The following ADD3 variants were observed in gnomAD, a reference collection of about 807,000 sequenced individuals.
ADD3 encodes the protein adducin 3.
Under a neutral mutation model 80.2 loss-of-function variants are expected in ADD3, and 25 were observed. The observed-to-expected ratio is 0.31, with a 90% CI of 0.23 to 0.44. ADD3 has a LOEUF of 0.44. Ranked by LOEUF, ADD3 falls within the 20% of genes least tolerant of loss-of-function variation. The pLI is 1.00. For missense variants in ADD3, 829 were observed against 847.5 expected, an observed-to-expected ratio of 0.98 and a Z score of 0.27; for synonymous variants, 284 against 289.6, an observed-to-expected ratio of 0.98 and a Z score of 0.20.
In ADD3 at chr10:110,133,333, T is replaced by A; in HGVS notation, c.1836T>A (p.His612Gln). 1 of 1,579,788 alleles carries A rather than the reference T, an allele frequency of 6.3e-7. No homozygotes were observed. Among genetic ancestry groups the A allele is most frequent in the African/African-American group, 1.3e-5 (1 of 74,250 alleles). ...AACCCTCCCCTTTCGTAGAAAACCA[T>A]GAGCTGTTTTCCAAGAGCTTCATCT... ...QNVPEKLEEN[H>Q]ELFSKSFISM... The change falls in exon 15 of 15, where the codon CAT (histidine) becomes CAA (glutamine). Residue 612 changes from histidine (H) to glutamine (Q), a missense_variant. Transcript: ENST00000356080.
intron 2 of ADD3, 114 bp from the exon 3 acceptor site, chr10:110,112,663 G>A (rs1850197588): frequency 1.6e-6 from 2 of 1,230,638 alleles, no homozygotes; most frequent in East Asian, 4.8e-5. Flanking sequence ...TTTTTAAATA[G>A]TACAGGTAAA....
At chr10:110,007,070 G>A (rs779111802), upstream of ADD3, among the ~76,000 whole-genome samples, 2 of 152,188 alleles carry the variant, frequency 1.3e-5, no homozygotes, top group Admixed American at 6.5e-5. Flanking sequence ...CTGGGCGAGG[G>A]GGGTGGGAGG....
intron 1 of ADD3, among the ~76,000 whole-genome samples, chr10:110,085,171 C>T (rs1040071607): frequency 2.6e-5 from 4 of 152,132 alleles, no homozygotes; most frequent in African/African-American, 9.7e-5. Flanking sequence ...GCCTACTTTT[C>T]AAAGCTAAAT....
chr10:110,047,150 T>C, intron 1 of ADD3, among the ~76,000 whole-genome samples: 1 of 152,230 alleles, frequency 6.6e-6, no homozygotes, highest in East Asian at 1.9e-4. Context: ...TAAATAAATA[T>C]TATTCATTAT....
At chr10:110,130,511 T>C (rs1461630577) in intron 13 of ADD3, 25 bp downstream of exon 13, 5 of 1,610,886 alleles carry the variant, frequency 3.1e-6, no homozygotes, top group Non-Finnish European at 4.2e-6. Flanking sequence ...ACATTCAACC[T>C]AGGGTAAGCC....
chr10:110,133,202 T>G, intron 14 of ADD3, 124 bp from the exon 15 acceptor site: 1 of 902,498 alleles, frequency 1.1e-6, no homozygotes, highest in Non-Finnish European at 1.6e-6. Flanking sequence ...ATTAAAATAA[T>G]GATCTGTCTT....
intron 1 of ADD3, among the ~76,000 whole-genome samples, chr10:110,015,030 C>T (rs767202814): frequency 3.3e-5 from 5 of 151,912 alleles, no homozygotes; most frequent in Non-Finnish European, 7.4e-5. Flanking sequence ...TGGGCCACCA[C>T]GCCTGGCTAA....
rs931636490 is a variant in ADD3 at position 110,116,469 on chromosome 10, C to T, written c.486+59C>T. On this transcript the variant is annotated intron_variant, in intron 4 of 14. Coordinates refer to ENST00000356080, the MANE Select transcript of ADD3 (RefSeq NM_016824.5). ...AAATTCCAGCTAGAAGGCAACTATACTCTTCTTACCTTTACCTGGAAGTCC... is the reference window on the plus strand; with the variant it reads ...AAATTCCAGCTAGAAGGCAACTATATTCTTCTTACCTTTACCTGGAAGTCC... 4.6e-5 allele frequency: 71 copies of T among 1,536,604 alleles called. No homozygotes were observed. The African/African-American group carries it at 9.2e-4, about 20-fold the overall frequency.
At chr10:110,085,976 A>C (rs1184916638) in intron 1 of ADD3, among the ~76,000 whole-genome samples, 1 of 152,102 alleles carries the variant, frequency 6.6e-6, no homozygotes, top group Non-Finnish European at 1.5e-5. Context: ...GTGGTGGTAC[A>C]AGCCTGTAAT....
chr10:110,126,738 T>A (rs1311800136), intron 12 of ADD3, among the ~76,000 whole-genome samples: 1 of 152,144 alleles, frequency 6.6e-6, no homozygotes. Flanking sequence ...TGAGATGAGG[T>A]CTCACTCTGT....
chr10:110,022,553 T>G (rs1315004708), intron 1 of ADD3, among the ~76,000 whole-genome samples: 1 of 152,198 alleles, frequency 6.6e-6, no homozygotes, highest in Non-Finnish European at 1.5e-5. Context: ...GAATGAAAAC[T>G]TCTAGAAAAC....
intron 1 of ADD3, among the ~76,000 whole-genome samples, chr10:110,099,208 C>T (rs1362032022): frequency 6.6e-6 from 1 of 150,690 alleles, no homozygotes; most frequent in African/African-American, 2.4e-5. Context: ...GGATTATAAG[C>T]ATGAGCCACC....
intron 1 of ADD3, among the ~76,000 whole-genome samples, chr10:110,090,023 C>T (rs187438124): frequency 2.6e-4 from 40 of 152,190 alleles, no homozygotes; most frequent in Non-Finnish European, 5.3e-4. Flanking sequence ...CCTCTCCCAA[C>T]CCCCACCATC....
At chr10:110,130,227 T>A in intron 12 of ADD3, 136 bp from the exon 13 acceptor site, 1 of 864,198 alleles carries the variant, frequency 1.2e-6, no homozygotes. Flanking sequence ...CATGTTACCT[T>A]GCATTTCTTA....
At chr10:110,030,099 G>A (rs187538282) in intron 1 of ADD3, among the ~76,000 whole-genome samples, 1,620 of 152,112 alleles carry the variant, frequency 0.011, 31 homozygotes, top group African/African-American at 0.038. Context: ...CGAGGTGGGC[G>A]GATCACCTGA....
chr10:110,108,059 C>T (rs1472110374), intron 2 of ADD3, among the ~76,000 whole-genome samples: 1 of 152,078 alleles, frequency 6.6e-6, no homozygotes, highest in South Asian at 2.1e-4. Flanking sequence ...CTAACCAGTT[C>T]TTCTCTAGTG....
At chr10:110,046,926 G>T (rs1376117120) in intron 1 of ADD3, among the ~76,000 whole-genome samples, 3 of 152,002 alleles carry the variant, frequency 2.0e-5, no homozygotes, top group Admixed American at 1.3e-4. Flanking sequence ...GTTTTATGAG[G>T]TTTGTATTGA....
At chr10:110,114,798 C>T (rs1850487751) in intron 3 of ADD3, among the ~76,000 whole-genome samples, 1 of 152,142 alleles carries the variant, frequency 6.6e-6, no homozygotes, top group East Asian at 1.9e-4. Flanking sequence ...GCAGGCTAGG[C>T]TGGGCACAGT....
chr10:110,016,238 T>G lies in ADD3; in HGVS notation c.-30+7939T>G, dbSNP rs147729375. 1.2e-3 allele frequency among the ~76,000 whole-genome samples: 183 copies of G among 152,346 alleles called. 2 individuals are homozygous for G. The South Asian group carries it at 0.018, about 15-fold the overall frequency. ...GCATCAAGTTGAGCAGCTCCTGTTT[T>G]CCTTACAGAACTCAGCCAGTTCCTG... On this transcript the variant is annotated intron_variant, in intron 1 of 14. Transcript: ENST00000356080.
Sources: gnomAD v4.1 joint callset for allele counts (sites outside exome capture counted in the v4.1 genomes callset) on GRCh38, gnomAD v4.1.1 for gene constraint, MANE v1.5 for transcripts, NCBI Gene and HGNC (gene_info 2026-07-23, HGNC 2026-07-21) for gene names.